NOLC1: variants seen among roughly 807,000 people sequenced by gnomAD.
The protein encoded by NOLC1 is nucleolar and coiled-body phosphoprotein 1.
Under a neutral mutation model 73.4 loss-of-function variants are expected in NOLC1, and 37 were observed. The observed-to-expected ratio is 0.50, with a 90% CI of 0.39 to 0.66. NOLC1 has a LOEUF of 0.66. Among genes scored for constraint, NOLC1 ranks in the 30% least tolerant of loss-of-function variants. The pLI is 0.00. For missense variants in NOLC1, 921 were observed against 838.9 expected (o/e 1.10, Z -1.21); for synonymous variants, 327 against 302.6 (o/e 1.08, Z -0.84).
At position 102,159,713 on chromosome 10, in the gene NOLC1, G is replaced by A; in HGVS notation, c.859+145G>A. 4.5e-6 allele frequency: 5 copies of A among 1,116,898 alleles called. 1 individual carries two copies. The South Asian group carries it at 8.2e-5, about 18-fold the overall frequency. 69.2% of individuals were successfully genotyped at this position (1,116,898 alleles called of 1,614,324 possible). On this transcript the variant is annotated intron_variant, in intron 7 of 12. Coordinates refer to ENST00000605788, the MANE Select transcript of NOLC1 (RefSeq NM_004741.5). ...AGCACTAGTGATCCAGGAAAGCAAGGAGAAATCTCCAGTGCCTTGTGTAAC... is the reference window on the plus strand; with the variant it reads ...AGCACTAGTGATCCAGGAAAGCAAGAAGAAATCTCCAGTGCCTTGTGTAAC...
In NOLC1 at chr10:102,163,072, T is replaced by G. The variant is rs551407865; in HGVS notation, c.*803T>G. ...CATTTTTTGACAACTTGACCCTTCC[T>G]AGTATTGAGTTCTAAGTTGAGGACT... On this transcript the variant is annotated 3_prime_UTR_variant, in exon 13 of 13. Transcript: ENST00000605788. The G allele has an allele frequency of 4.6e-5, 7 of 152,376 alleles. No individual in the cohort carries two copies. Among genetic ancestry groups the G allele is most frequent in the Non-Finnish European group, 1.0e-4 (7 of 68,044 alleles). The allele number at this position is 152,376 out of a possible 1,614,324, so 9.4% of individuals were successfully genotyped here.
At chr10:102,154,546 C>CT (rs1015058486) in intron 1 of NOLC1, among the ~76,000 whole-genome samples, 2 of 151,668 alleles carry the variant, frequency 1.3e-5, no homozygotes, top group African/African-American at 4.8e-5. Context: ...ACCACAGAGT[C>CT]TCACTGTTGC....
At chr10:102,154,501 A>G (rs1333035330) in intron 1 of NOLC1, among the ~76,000 whole-genome samples, 2 of 152,052 alleles carry the variant, frequency 1.3e-5, no homozygotes, top group Non-Finnish European at 2.9e-5. Context: ...GTGAGTTCCC[A>G]TCTGTACTGA....
rs754728488 is a variant in NOLC1, at chr10:102,162,206, G to C, written c.2037G>C (p.Arg679=). ...SFRHEKTKKK[R]GSYRGGSISV... is the part of the protein sequence containing the mutation. ...GGCATGAGAAAACCAAGAAGAAGCGGGGCAGCTACCGGGGAGGCTCAATCT... is the reference window on the plus strand; with the variant it reads ...GGCATGAGAAAACCAAGAAGAAGCGCGGCAGCTACCGGGGAGGCTCAATCT... Residue 679 remains arginine, a synonymous_variant, in exon 13 of 13, where the codon CGG becomes CGC. Transcript: ENST00000605788. 1 of 1,614,090 alleles carries C rather than the reference G, an allele frequency of 6.2e-7. No individual in the cohort carries two copies. Among genetic ancestry groups the C allele is most frequent in the Admixed American group, 1.7e-5 (1 of 60,002 alleles).
At chr10:102,155,552 A>G (rs1013505389) in intron 1 of NOLC1, among the ~76,000 whole-genome samples, 18 of 146,918 alleles carry the variant, frequency 1.2e-4, no homozygotes, top group African/African-American at 4.6e-4. Flanking sequence ...TCTGTCGCCC[A>G]GGCTGGAGTA....
At chr10:102,159,329 C>T in intron 6 of NOLC1, 21 bp downstream of exon 6, 1 of 1,613,994 alleles carries the variant, frequency 6.2e-7, no homozygotes, top group African/African-American at 1.3e-5. Flanking sequence ...TAACTTCTGT[C>T]AGGGCAGAGG....
intron 1 of NOLC1, 142 bp from the exon 2 acceptor site, chr10:102,156,877 C>T: frequency 1.3e-6 from 1 of 796,458 alleles, no homozygotes; most frequent in East Asian, 2.5e-5. Context: ...ATATTTTTCT[C>T]CTGATTTATG....
chr10:102,157,377 C>T (rs1183384278), intron 3 of NOLC1, 49 bp downstream of exon 3: 5 of 1,613,156 alleles, frequency 3.1e-6, no homozygotes, highest in Non-Finnish European at 4.2e-6. Context: ...AAAGAATTTA[C>T]AGCCTGCTTG....
At chr10:102,153,904 C>T (rs1337674831) in intron 1 of NOLC1, among the ~76,000 whole-genome samples, 1 of 151,138 alleles carries the variant, frequency 6.6e-6, no homozygotes, top group Non-Finnish European at 1.5e-5. Context: ...AACTCCTGAC[C>T]TCAAGAAATC....
At chr10:102,153,571 C>G (rs1338693050) in intron 1 of NOLC1, among the ~76,000 whole-genome samples, 1 of 152,098 alleles carries the variant, frequency 6.6e-6, no homozygotes, top group Admixed American at 6.5e-5. Flanking sequence ...TGTGATCTAA[C>G]TGCTTTCTTA....
At chr10:102,159,401 T>A (rs1352792656) in intron 6 of NOLC1, 32 bp from the exon 7 acceptor site, 1 of 1,613,832 alleles carries the variant, frequency 6.2e-7, no homozygotes, top group African/African-American at 1.3e-5. Context: ...GTCAGCATTT[T>A]CCTGTGGTAA....
chr10:102,161,000 T>C lies in NOLC1; in HGVS notation c.1648T>C (p.Ser550Pro), dbSNP rs1168348002. ...RPQAPKANGT[S>P]ALTAQNGKAA... ...ACAAGCCCCCAAGGCCAATGGCACC[T>C]CTGCACTGACTGCCCAGAATGGAAA... Residue 550 changes from serine (S) to proline (P), a missense_variant, in exon 10 of 13, where the codon TCT becomes CCT. Transcript: ENST00000605788. The C allele has an allele frequency of 6.2e-7, 1 of 1,613,920 alleles. No individual in the cohort carries two copies. Among genetic ancestry groups the C allele is most frequent in the African/African-American group, 1.3e-5 (1 of 74,952 alleles).
intron 7 of NOLC1, 126 bp downstream of exon 7, chr10:102,159,694 A>T: frequency 8.7e-7 from 1 of 1,144,388 alleles, no homozygotes; most frequent in South Asian, 1.6e-5. Flanking sequence ...TCCGAGCACT[A>T]GTGATCCAGG....
rs763428266 is a variant in NOLC1, at chr10:102,157,021, A to G, written c.123A>G (p.Thr41=). 9 of 1,614,078 alleles carry G rather than the reference A, an allele frequency of 5.6e-6. No homozygotes were observed. Among genetic ancestry groups the G allele is most frequent in the Admixed American group, 3.3e-5 (2 of 60,004 alleles). ...ACCCAGCTCTTTTTCTTCTACAGAC[A>G]CAGCAGGATGCCAATGCCTCTTCCC... ...ANKFAKATGA[T]QQDANASSLL... Residue 41 remains threonine (T), a splice_region_variant and synonymous_variant, in exon 2 of 13, where the codon ACA becomes ACG. Transcript: ENST00000605788.
At chr10:102,155,646 T>C (rs1161825587) in intron 1 of NOLC1, among the ~76,000 whole-genome samples, 1 of 151,680 alleles carries the variant, frequency 6.6e-6, no homozygotes, top group Non-Finnish European at 1.5e-5. Context: ...GTAGCTGGGA[T>C]TACAGGTGTG....
At chr10:102,152,618 CTG>C (rs906518443) in intron 1 of NOLC1, 88 bp downstream of exon 1, 1 of 1,569,072 alleles carries the variant, frequency 6.4e-7, no homozygotes, top group African/African-American at 1.3e-5. Context: ...GTGGGGAAGT[CTG>C]GGGGTCCGCC....
rs2069729603 is a variant in NOLC1, at chr10:102,162,405, A to G, written c.*136A>G. 1.2e-6 allele frequency: 1 copy of G among 835,790 alleles called. No homozygotes were observed. Among genetic ancestry groups the G allele is most frequent in the Non-Finnish European group, 1.8e-6 (1 of 541,596 alleles). The allele number at this position is 835,790 out of a possible 1,614,324, so 51.8% of individuals were successfully genotyped here. The stretch of plus-strand genomic sequence containing the variant: ...TTTAGAGTAGGTCCTAAGACTTTAC[A>G]GTGTAACATCCTCTCTGGTCCTTTT... On this transcript the variant is annotated 3_prime_UTR_variant, in exon 13 of 13. Transcript: ENST00000605788.
In NOLC1 at chr10:102,160,498, T is replaced by G. The variant is rs145855726; in HGVS notation, c.1146T>G (p.Gly382=). Reference sequence around the variant, plus strand: ...ATGAAGCTCCTTCTAAGCCAGCTGGTACCACCAAGAATTCTTCAAATAAGC... The same window carrying G: ...ATGAAGCTCCTTCTAAGCCAGCTGGGACCACCAAGAATTCTTCAAATAAGC... ...EDDEAPSKPA[G]TTKNSSNKPA... The change falls in exon 10 of 13, where the codon GGT becomes GGG. Residue 382 remains glycine, a synonymous_variant. Coordinates refer to ENST00000605788, the MANE Select transcript of NOLC1 (RefSeq NM_004741.5). The G allele has an allele frequency of 6.2e-7, 1 of 1,614,176 alleles. No individual in the cohort carries two copies. The highest frequency in any genetic ancestry group is 1.3e-5 in the African/African-American group (1 of 75,054).
rs778831264 is a variant in NOLC1 at position 102,162,207 on chromosome 10, G to A, written c.2038G>A (p.Gly680Ser). ...GCATGAGAAAACCAAGAAGAAGCGG[G>A]GCAGCTACCGGGGAGGCTCAATCTC... ...FRHEKTKKKR[G>S]SYRGGSISVQ... Residue 680 changes from glycine (G) to serine (S), a missense_variant, in exon 13 of 13, where the codon GGC becomes AGC. Physicochemically the swap from Gly to Ser is moderately conservative, Grantham distance 56. Coordinates refer to ENST00000605788, the MANE Select transcript of NOLC1 (RefSeq NM_004741.5). The A allele has an allele frequency of 5.0e-6, 8 of 1,614,060 alleles. No individual in the cohort carries two copies. Among genetic ancestry groups the A allele is most frequent in the Non-Finnish European group, 6.8e-6 (8 of 1,180,028 alleles).
Sources: allele counts gnomAD v4.1 joint callset (sites outside exome capture counted in the v4.1 genomes callset), GRCh38; gene constraint gnomAD v4.1.1; transcripts MANE v1.5; gene names NCBI Gene and HGNC (gene_info 2026-07-23, HGNC 2026-07-21).